VIT: variants seen among roughly 807,000 people sequenced by gnomAD.
The protein encoded by VIT is vitrin.
In VIT, 99 loss-of-function variants were observed where a neutral mutation model predicts 78.0. The ratio of observed to expected loss-of-function variants is 1.27; its 90% CI spans 1.08 to 1.50. VIT has a LOEUF of 1.50. VIT is among the 40% of genes most tolerant of loss of function. The pLI, the probability that VIT is intolerant of heterozygous loss-of-function variation, is 0.00. For missense variants in VIT, 1,126 were observed against 875.3 expected (o/e 1.29, Z -3.61); for synonymous variants, 374 against 334.3 (o/e 1.12, Z -1.29).
chr2:36,739,156 ATGTT>A (rs1293937129), intron 3 of VIT, among the ~76,000 whole-genome samples: 2 of 103,354 alleles, frequency 1.9e-5, no homozygotes, highest in Non-Finnish European at 5.4e-5. Flanking sequence ...GATTTTTTTT[ATGTT>A]ATAATTCTTC....
At chr2:36,710,796 C>G (rs757281029) in intron 1 of VIT, among the ~76,000 whole-genome samples, 1 of 152,084 alleles carries the variant, frequency 6.6e-6, no homozygotes, top group African/African-American at 2.4e-5. Context: ...ATGTGTTTAT[C>G]CATTTATCTG....
intron 9 of VIT, among the ~76,000 whole-genome samples, chr2:36,776,028 T>A (rs1205954265): frequency 1.3e-5 from 2 of 152,262 alleles, no homozygotes; most frequent in African/African-American, 4.8e-5. Context: ...AAGAATTGTA[T>A]AAAGTACATC....
chr2:36,808,410 T>A (rs1372506316), intron 14 of VIT, 62 bp from the exon 15 acceptor site: 22 of 1,540,712 alleles, frequency 1.4e-5, no homozygotes, highest in Non-Finnish European at 1.8e-5. Flanking sequence ...GGATCAAGCC[T>A]AATGGTGACA....
At position 36,806,651 on chromosome 2, in the gene VIT, A is replaced by G. The variant is rs933994683; in HGVS notation, c.1389+987A>G. ...AGTCTCCGCCTCCCAGCTTCAAGCA[A>G]TTCTCCTGCCTCAGCCTCCCAAATA... is the stretch of plus-strand genomic sequence containing the variant. On this transcript the variant is annotated intron_variant, in intron 14 of 15. Coordinates refer to ENST00000379242, the MANE Select transcript of VIT (RefSeq NM_053276.4). Among the ~76,000 whole-genome samples, 3 of 152,120 alleles carry G rather than the reference A, an allele frequency of 2.0e-5. No individual in the cohort carries two copies. In the South Asian group the frequency reaches 6.2e-4, roughly 32 times the overall value.
rs1293416540 is a variant in VIT, at chr2:36,783,353, A to G, written c.861A>G (p.Lys287=). ...TGCTCTTTCCAGGACTTGTTCCAAA[A>G]GAAGAATTGAGCACACAGTCTTTGG... ...SVLLDEGLVP[K]EELSTQSLEP... The change falls in exon 11 of 16, where the codon AAA becomes AAG. Residue 287 remains lysine (K), a synonymous_variant. Transcript: ENST00000379242. 2.5e-6 allele frequency: 4 copies of G among 1,614,136 alleles called. No individual in the cohort carries two copies. In the South Asian group the frequency reaches 3.3e-5, roughly 13 times the overall value.
intron 2 of VIT, among the ~76,000 whole-genome samples, chr2:36,724,835 C>G (rs917006700): frequency 2.0e-5 from 3 of 152,120 alleles, no homozygotes; most frequent in African/African-American, 7.2e-5. Flanking sequence ...GCACAGAGGC[C>G]AAGAACAGTT....
At chr2:36,735,098 T>G (rs1222562738) in intron 3 of VIT, among the ~76,000 whole-genome samples, 1 of 151,968 alleles carries the variant, frequency 6.6e-6, no homozygotes. Flanking sequence ...GAGGCAGAGG[T>G]TGCAGTGAGC....
At chr2:36,776,355 T>C (rs1670044162) in intron 9 of VIT, among the ~76,000 whole-genome samples, 1 of 152,204 alleles carries the variant, frequency 6.6e-6, no homozygotes, top group South Asian at 2.1e-4. Flanking sequence ...CTGCAGGAGC[T>C]GATAACAGAC....
At chr2:36,769,743 G>C (rs189677884) in intron 7 of VIT, among the ~76,000 whole-genome samples, 6 of 151,990 alleles carry the variant, frequency 3.9e-5, no homozygotes, top group Admixed American at 3.9e-4. Flanking sequence ...ATGGTTTTTC[G>C]TATATTCATA....
intron 2 of VIT, among the ~76,000 whole-genome samples, chr2:36,725,801 G>A (rs539783779): frequency 6.6e-6 from 1 of 152,214 alleles, no homozygotes; most frequent in Non-Finnish European, 1.5e-5. Flanking sequence ...GCCGGGCACA[G>A]TGGCTCACGC....
At position 36,800,665 on chromosome 2, in the gene VIT, G is replaced by T. The variant is rs938967644; in HGVS notation, c.1059-636G>T. 7.2e-5 allele frequency among the ~76,000 whole-genome samples: 11 copies of T among 152,228 alleles called. No homozygotes were observed. The South Asian group carries it at 1.2e-3, about 17-fold the overall frequency. ...TCCACACCCTCCACTCCGCCGCTTC[G>T]TGGGGATTCACTTGTAGAGAGGGAT... On this transcript the variant is annotated intron_variant, in intron 12 of 15. Coordinates refer to ENST00000379242, the MANE Select transcript of VIT (RefSeq NM_053276.4).
chr2:36,781,368 G>A (rs1664739851), intron 9 of VIT, among the ~76,000 whole-genome samples: 1 of 152,194 alleles, frequency 6.6e-6, no homozygotes, highest in Non-Finnish European at 1.5e-5. Context: ...GTCTCTGGAG[G>A]TATCAAGCAC....
chr2:36,705,458 G>T (rs564617977), intron 1 of VIT, among the ~76,000 whole-genome samples: 2 of 152,112 alleles, frequency 1.3e-5, no homozygotes, highest in African/African-American at 4.8e-5. Context: ...CATATGTCAG[G>T]TTCCTAACAC....
intron 13 of VIT, 50 bp from the exon 14 acceptor site, chr2:36,805,388 A>G (rs753521902): frequency 1.3e-6 from 2 of 1,522,102 alleles, no homozygotes; most frequent in Non-Finnish European, 1.8e-6. Flanking sequence ...CTCTTCCTGT[A>G]TTTATAATCA....
At chr2:36,727,333 C>T (rs984177563) in intron 2 of VIT, among the ~76,000 whole-genome samples, 2 of 152,166 alleles carry the variant, frequency 1.3e-5, no homozygotes, top group Non-Finnish European at 2.9e-5. Flanking sequence ...ACACATATAG[C>T]GTGCACGCAC....
intron 1 of VIT, among the ~76,000 whole-genome samples, chr2:36,702,546 G>C (rs1665130845): frequency 6.6e-6 from 1 of 152,184 alleles, no homozygotes; most frequent in Admixed American, 6.5e-5. Flanking sequence ...CCACATCCAG[G>C]CTTGCTTTCT....
chr2:36,755,974 T>TTTTTTA (rs1668737562), intron 5 of VIT, among the ~76,000 whole-genome samples: 1 of 149,678 alleles, frequency 6.7e-6, no homozygotes, highest in African/African-American at 2.5e-5. Context: ...TTTTTTTTTT[T>TTTTTTA]GAGACGGAGT....
Position 36,739,500 on chromosome 2 carries a change from T to C in VIT, c.119-3600T>C, listed in dbSNP as rs188335094. ...ATAGTACCAGTTGTCTGTTCTGAGATGAGACCTTTTGCCCAGGAACCCTTG... is the reference window on the plus strand; with the variant it reads ...ATAGTACCAGTTGTCTGTTCTGAGACGAGACCTTTTGCCCAGGAACCCTTG... On this transcript the variant is annotated intron_variant, in intron 3 of 15. Coordinates refer to ENST00000379242, the MANE Select transcript of VIT (RefSeq NM_053276.4). 2.2e-3 allele frequency among the ~76,000 whole-genome samples: 333 copies of C among 152,340 alleles called. 3 individuals carry two copies. Among genetic ancestry groups the C allele is most frequent in the Non-Finnish European group, 8.4e-4 (57 of 68,032 alleles).
chr2:36,774,570 T>C (rs914885255), intron 8 of VIT: 1 of 985,378 alleles, frequency 1.0e-6, no homozygotes, highest in Non-Finnish European at 1.2e-6. Flanking sequence ...TCTCCACATG[T>C]TCTTAGAAAC....
Sources: gnomAD v4.1 joint callset for allele counts (sites outside exome capture counted in the v4.1 genomes callset) on GRCh38, gnomAD v4.1.1 for gene constraint, MANE v1.5 for transcripts, NCBI Gene and HGNC (gene_info 2026-07-23, HGNC 2026-07-21) for gene names.